Variants in LTBP2 observed in about 807,000 individuals in gnomAD.
LTBP2 encodes the protein latent transforming growth factor beta binding protein 2.
In LTBP2, 103 loss-of-function variants were observed where a neutral mutation model predicts 210.6. That is an observed-to-expected ratio of 0.49 (90% CI 0.42 to 0.58). The LOEUF is 0.58. Among genes scored for constraint, LTBP2 ranks in the 20% least tolerant of loss-of-function variants. LTBP2 has a pLI of 0.00. For missense variants in LTBP2, 2,313 were observed against 2,494.5 expected (o/e 0.93, Z 1.55); for synonymous variants, 1,007 against 1,015.0 (o/e 0.99, Z 0.15).
chr14:74,511,221 A>T, intron 19 of LTBP2, 24 bp downstream of exon 19: 1 of 1,613,478 alleles, frequency 6.2e-7, no homozygotes, highest in South Asian at 1.1e-5. Context: ...TGGCTGGCTC[A>T]GTGCCTTGGC....
Position 74,504,051 on chromosome 14 carries a change from G to A in LTBP2, c.4457C>T (p.Ala1486Val), listed in dbSNP as rs371257103. The change falls in exon 31 of 36, where the codon GCG becomes GTG. Residue 1486 changes from alanine (A) to valine (V), a missense_variant. By Grantham distance (64) the Ala-to-Val change is moderately conservative. Coordinates refer to ENST00000261978, the MANE Select transcript of LTBP2 (RefSeq NM_000428.3). ...WTFGQTMYTD[A>V]DECVIFGPGL... The stretch of plus-strand genomic sequence containing the variant: ...AGGCCCGAATATCACACACTCATCC[G>A]CATCTGTGGAAGGCAGAGCTGAGGT... The A allele has an allele frequency of 5.9e-5, 95 of 1,613,620 alleles. No individual in the cohort carries two copies. Among genetic ancestry groups the A allele is most frequent in the South Asian group, 4.4e-4 (40 of 91,004 alleles).
intron 7 of LTBP2, 94 bp from the exon 8 acceptor site, chr14:74,550,059 A>C: frequency 2.4e-5 from 20 of 817,406 alleles, no homozygotes; most frequent in Non-Finnish European, 3.6e-5. Context: ...CACAGAGCTC[A>C]CTCCCCACAT....
intron 28 of LTBP2, 101 bp from the exon 29 acceptor site, chr14:74,505,275 T>C (rs1376841242): frequency 1.6e-5 from 21 of 1,341,956 alleles, no homozygotes; most frequent in Admixed American, 3.9e-5. Context: ...TGTAGCACTT[T>C]ACAGTGGAAA....
At chr14:74,515,318 G>A (rs944406811) in intron 18 of LTBP2, among the ~76,000 whole-genome samples, 1 of 148,252 alleles carries the variant, frequency 6.7e-6, no homozygotes, top group Non-Finnish European at 1.5e-5. Context: ...GTGCAGTGGC[G>A]TGATCTCGGC....
At position 74,511,327 on chromosome 14, in the gene LTBP2, A is replaced by T; in HGVS notation, c.2946T>A (p.Asp982Glu). The stretch of plus-strand genomic sequence containing the variant: ...AGCCAGGGGAATTGACGCATCTCCC[A>T]TCAGGGCAGGTACCGGGGTGACGGC... ...NECRHPGTCPDGRCVNSPGSY... is the reference protein window; with the variant it reads ...NECRHPGTCPEGRCVNSPGSY... Residue 982 changes from aspartate (D) to glutamate (E), a missense_variant, in exon 19 of 36, where the codon GAT becomes GAA. Coordinates refer to ENST00000261978, the MANE Select transcript of LTBP2 (RefSeq NM_000428.3). The T allele has an allele frequency of 6.2e-7, 1 of 1,614,124 alleles. No homozygotes were observed. The highest frequency in any genetic ancestry group is 8.5e-7 in the Non-Finnish European group (1 of 1,180,034).
At chr14:74,582,124 AT>A (rs1174108343) in intron 3 of LTBP2, among the ~76,000 whole-genome samples, 1 of 149,746 alleles carries the variant, frequency 6.7e-6, no homozygotes, top group Admixed American at 6.7e-5. Context: ...GGTTCAAGTG[AT>A]TCTTCTCAAG....
At chr14:74,550,930 A>G (rs1463505975) in intron 7 of LTBP2, 134 bp downstream of exon 7, 7 of 1,188,736 alleles carry the variant, frequency 5.9e-6, no homozygotes, top group Non-Finnish European at 8.5e-6. Context: ...GGGTTTTCCC[A>G]TCTGGGAAAT....
rs1490415287 is a variant in LTBP2 at position 74,612,219 on chromosome 14, C to T, written c.-275G>A. ...TGCCTGCAGCCGTCTGAAGGGGACC[C>T]GGACGGTTTTATTTTTGGAAACCTC... is the stretch of plus-strand genomic sequence containing the variant. On this transcript the variant is annotated 5_prime_UTR_variant, in exon 1 of 36. Coordinates refer to ENST00000261978, the MANE Select transcript of LTBP2 (RefSeq NM_000428.3). The T allele has an allele frequency of 2.2e-6, 1 of 444,910 alleles. No homozygotes were observed. Among genetic ancestry groups the T allele is most frequent in the Admixed American group, 4.5e-5 (1 of 22,368 alleles). The allele number at this position is 444,910 out of a possible 1,614,324, so 27.6% of individuals were successfully genotyped here. A position where few individuals can be genotyped will look rare whatever the true frequency, so the allele number is the denominator to read the frequency against.
chr14:74,512,916 A>T (rs1440570547), intron 18 of LTBP2, among the ~76,000 whole-genome samples: 1 of 152,104 alleles, frequency 6.6e-6, no homozygotes, highest in East Asian at 1.9e-4. Flanking sequence ...CAGTGCCATG[A>T]CCTGTTGGCC....
chr14:74,610,625 C>T (rs948573204), intron 1 of LTBP2, among the ~76,000 whole-genome samples: 2 of 152,234 alleles, frequency 1.3e-5, no homozygotes, highest in Non-Finnish European at 1.5e-5. Flanking sequence ...CGGAGCGTGC[C>T]CGCAGCCATG....
Position 74,503,557 on chromosome 14 carries a change from GTTGACGCACTCGCCATTCTC to G in LTBP2, c.4612_4631del (p.Glu1538HisfsTer34). The G allele has an allele frequency of 6.2e-7, 1 of 1,613,854 alleles. No individual in the cohort carries two copies. The highest frequency in any genetic ancestry group is 8.5e-7 in the Non-Finnish European group (1 of 1,180,014). ...AGAAGCAGTGGAAGGAGCCCTCCGT[GTTGACGCACTCGCCATTCTC>G]ACAGGCCAGGTCCTGGCACTCATCG... is the stretch of plus-strand genomic sequence containing the variant. On this transcript the variant is annotated frameshift_variant, in exon 32 of 36. Transcript: ENST00000261978. LOFTEE classifies it high-confidence loss of function.
chr14:74,603,568 A>C (rs762995457), intron 2 of LTBP2, 67 bp downstream of exon 2: 137 of 1,526,214 alleles, frequency 9.0e-5, no homozygotes, highest in Non-Finnish European at 1.2e-4. Context: ...CTGCCCTGGG[A>C]GTAGGGTGGG....
At position 74,521,909 on chromosome 14, in the gene LTBP2, A is replaced by G. The variant is rs748166160; in HGVS notation, c.2788+2T>C. 3 of 1,613,924 alleles carry G rather than the reference A, an allele frequency of 1.9e-6. No individual in the cohort carries two copies. The highest frequency in any genetic ancestry group is 2.5e-6 in the Non-Finnish European group (3 of 1,179,992). On this transcript the variant is annotated splice_donor_variant, in intron 17 of 35. Coordinates refer to ENST00000261978, the MANE Select transcript of LTBP2 (RefSeq NM_000428.3). LOFTEE classifies it high-confidence loss of function. ...CCAAGGGCAAGGGCGGGCTTGGCTT[A>G]CCTTGACACTCCTGTGTCGCCCCTG... is the stretch of plus-strand genomic sequence containing the variant.
chr14:74,603,695 A>G lies in LTBP2; in HGVS notation c.505T>C (p.Cys169Arg). 6.2e-7 allele frequency: 1 copy of G among 1,614,184 alleles called. No homozygotes were observed. The highest frequency in any genetic ancestry group is 2.2e-5 in the East Asian group (1 of 44,882). The change falls in exon 2 of 36, where the codon TGC becomes CGC. Residue 169 changes from cysteine (C) to arginine (R), a missense_variant. Coordinates refer to ENST00000261978, the MANE Select transcript of LTBP2 (RefSeq NM_000428.3). Reference sequence around the variant, plus strand: ...CATCCTGGGCAGCACTGTCCCCCGCAGACGTTCCTCCTGTGGGGTCACCAA... The same window carrying G: ...CATCCTGGGCAGCACTGTCCCCCGCGGACGTTCCTCCTGTGGGGTCACCAA... ...PRGRLTGRNV[C>R]GGQCCPGWTT...
chr14:74,506,836 G>A lies in LTBP2; in HGVS notation c.3908-13C>T, dbSNP rs1181496599. Reference sequence around the variant, plus strand: ...CACTCGTCTATGTCTGTGGGACAGTGGGAACCAGGATAGAGGATGTGTGTG... The same window carrying A: ...CACTCGTCTATGTCTGTGGGACAGTAGGAACCAGGATAGAGGATGTGTGTG... On this transcript the variant is annotated splice_polypyrimidine_tract_variant and intron_variant, in intron 26 of 35. Transcript: ENST00000261978. 4 of 1,613,186 alleles carry A rather than the reference G, an allele frequency of 2.5e-6. No individual in the cohort carries two copies. The African/African-American group carries it at 4.0e-5, about 16-fold the overall frequency.
At position 74,506,818 on chromosome 14, in the gene LTBP2, CTA is replaced by C; in HGVS notation, c.3911_3912del (p.Ile1304ArgfsTer16). 6.2e-7 allele frequency: 1 copy of C among 1,613,902 alleles called. No individual in the cohort carries two copies. Among genetic ancestry groups the C allele is most frequent in the Non-Finnish European group, 8.5e-7 (1 of 1,179,996 alleles). Reference sequence around the variant, plus strand: ...CACATGGTGTCGTTGGCGCACTCGTCTATGTCTGTGGGACAGTGGGAACCAGG... The same window carrying C: ...CACATGGTGTCGTTGGCGCACTCGTCTGTCTGTGGGACAGTGGGAACCAGG... ...HMAPNGDCID[I>X]DECANDTMCG... On this transcript the variant is annotated frameshift_variant, in exon 27 of 36. Transcript: ENST00000261978. LOFTEE classifies it high-confidence loss of function.
intron 3 of LTBP2, among the ~76,000 whole-genome samples, chr14:74,585,051 G>A (rs1017897825): frequency 2.0e-5 from 3 of 152,136 alleles, no homozygotes; most frequent in Admixed American, 2.0e-4. Flanking sequence ...CCTGAAAAAC[G>A]AAAAGGAAAA....
At chr14:74,558,887 T>G (rs1482926793) in intron 3 of LTBP2, among the ~76,000 whole-genome samples, 2 of 152,150 alleles carry the variant, frequency 1.3e-5, no homozygotes, top group Non-Finnish European at 2.9e-5. Flanking sequence ...CAGACAGATG[T>G]TGGTTCTGCC....
intron 3 of LTBP2, chr14:74,560,178 A>G (rs575838172): frequency 6.6e-6 from 1 of 152,336 alleles, no homozygotes; most frequent in South Asian, 2.1e-4. Context: ...ACAAACACAC[A>G]CAAAACTGCC....
Sources: allele counts gnomAD v4.1 joint callset (sites outside exome capture counted in the v4.1 genomes callset), GRCh38; gene constraint gnomAD v4.1.1; transcripts MANE v1.5; gene names NCBI Gene and HGNC (gene_info 2026-07-23, HGNC 2026-07-21).